RBPJ: variants seen among roughly 807,000 people sequenced by gnomAD.
The protein encoded by RBPJ is recombination signal binding protein for immunoglobulin kappa J region.
A neutral mutation model predicts 67.8 loss-of-function variants in RBPJ; 9 were observed. The observed-to-expected ratio is 0.13, with a 90% CI of 0.08 to 0.23. The LOEUF (loss-of-function observed/expected upper bound fraction) is 0.23. Among genes scored for constraint, RBPJ ranks in the 10% least tolerant of loss-of-function variants. RBPJ has a pLI of 1.00. For synonymous variants in RBPJ, 198 were observed against 203.3 expected (o/e 0.97, Z 0.22); for missense variants, 305 against 595.6 (o/e 0.51, Z 5.08).
At chr4:26,400,852 G>A (rs983369729) in intron 2 of RBPJ, among the ~76,000 whole-genome samples, 1 of 152,214 alleles carries the variant, frequency 6.6e-6, no homozygotes, top group Non-Finnish European at 1.5e-5. Context: ...TCCAGTAGTA[G>A]AAGCCAGTAG....
rs866669589 is a variant in RBPJ at position 26,244,279 on chromosome 4, G to A, written c.-167+80665G>A. On this transcript the variant is annotated intron_variant, in intron 1 of 4. Transcript: ENST00000512351. ...TACACATATGTGTACACATATATGTGTGTATATGTATACACATATGTGTAC... is the reference window on the plus strand; with the variant it reads ...TACACATATGTGTACACATATATGTATGTATATGTATACACATATGTGTAC... 7.3e-4 allele frequency among the ~76,000 whole-genome samples: 76 copies of A among 103,696 alleles called. 3 individuals carry two copies. Among genetic ancestry groups the A allele is most frequent in the African/African-American group, 3.3e-3 (75 of 22,692 alleles). 68.0% of individuals were successfully genotyped at this position (103,696 alleles called of 152,430 possible).
Position 26,415,548 on chromosome 4 carries a change from G to A in RBPJ, c.229G>A (p.Asp77Asn), listed in dbSNP as rs147349346. 4.8e-5 allele frequency: 78 copies of A among 1,612,988 alleles called. No homozygotes were observed. The highest frequency in any genetic ancestry group is 6.4e-5 in the Non-Finnish European group (76 of 1,179,404). Residue 77 changes from aspartate (D) to asparagine (N), a missense_variant, in exon 4 of 11, where the codon GAT (aspartate) becomes AAT (asparagine). This residue lies in a region of RBPJ where 79 missense variants were observed against 106.2 expected (regional missense o/e 0.74). Transcript: ENST00000355476. ...GAAAAAAAAAGAACAAATGGAACGC[G>A]ATGGTTGTTCTGAACAAGAGTCTCA... ...WKKKKEQMER[D>N]GCSEQESQPC...
chr4:26,327,542 G>C (rs1006316372), intron 1 of RBPJ, among the ~76,000 whole-genome samples: 2 of 104,902 alleles, frequency 1.9e-5, no homozygotes, highest in East Asian at 6.5e-4. Flanking sequence ...GACCCTGGAG[G>C]TTTTTTTTTT....
the RBPJ span, among the ~76,000 whole-genome samples, chr4:26,107,827 A>G: frequency 0.93 from 141,673 of 152,266 alleles, 65,923 homozygotes; most frequent in Admixed American, 0.97. Flanking sequence ...GAACCTATGA[A>G]GCGGAGGTTG....
chr4:26,286,497 GACAA>G (rs1169561106), intron 1 of RBPJ, among the ~76,000 whole-genome samples: 50 of 132,996 alleles, frequency 3.8e-4, no homozygotes, highest in Admixed American at 1.5e-4. Flanking sequence ...AAAAAAAAGA[GACAA>G]ACAAAATAAT....
intron 1 of RBPJ, among the ~76,000 whole-genome samples, chr4:26,346,096 A>G (rs1726108429): frequency 6.6e-6 from 1 of 152,176 alleles, no homozygotes; most frequent in South Asian, 2.1e-4. Context: ...ATAGTCAAGT[A>G]TTAGTGAAGT....
chr4:26,364,620 ATTTTC>A (rs1728428311), intron 1 of RBPJ, among the ~76,000 whole-genome samples: 3 of 92,460 alleles, frequency 3.2e-5, no homozygotes, highest in Non-Finnish European at 4.6e-5. Flanking sequence ...TTTCTTTTTC[ATTTTC>A]TTTTTTTTTT....
At chr4:26,206,782 T>C (rs1718185299) in intron 1 of RBPJ, among the ~76,000 whole-genome samples, 1 of 151,898 alleles carries the variant, frequency 6.6e-6, no homozygotes, top group African/African-American at 2.4e-5. Flanking sequence ...CCTGGCCAGT[T>C]TTCCTCCTTC....
chr4:26,159,172 T>C (rs527811269), upstream of RBPJ, among the ~76,000 whole-genome samples: 8 of 152,292 alleles, frequency 5.3e-5, no homozygotes, highest in South Asian at 8.3e-4. Context: ...TAGGAGATAC[T>C]CATATGCTAG....
the RBPJ span, among the ~76,000 whole-genome samples, chr4:26,151,668 G>A: frequency 5.3e-5 from 8 of 152,202 alleles, no homozygotes; most frequent in Non-Finnish European, 1.0e-4. Context: ...ACCACCGGCC[G>A]ATGACAGCCT....
At chr4:26,151,018 A>G in the RBPJ span, among the ~76,000 whole-genome samples, 12 of 152,330 alleles carry the variant, frequency 7.9e-5, no homozygotes, top group South Asian at 2.1e-3. Context: ...ACAACGCCAA[A>G]GATTTCCTGT....
intron 1 of RBPJ, among the ~76,000 whole-genome samples, chr4:26,353,609 CTTTTTT>C (rs5856939): frequency 7.8e-6 from 1 of 127,714 alleles, no homozygotes; most frequent in Non-Finnish European, 1.7e-5. Flanking sequence ...TCACAGTATT[CTTTTTT>C]TTTTTTTTTT....
intron 1 of RBPJ, among the ~76,000 whole-genome samples, chr4:26,350,276 A>G (rs1726661917): frequency 6.6e-6 from 1 of 152,218 alleles, no homozygotes; most frequent in African/African-American, 2.4e-5. Flanking sequence ...TTTTTCTAAT[A>G]CTAGTTTCCC....
At chr4:26,313,205 G>A (rs926358617) in intron 1 of RBPJ, among the ~76,000 whole-genome samples, 7 of 152,152 alleles carry the variant, frequency 4.6e-5, no homozygotes, top group African/African-American at 9.7e-5. Flanking sequence ...TTACAAGCAT[G>A]AGCCACCAAG....
At chr4:26,389,069 GA>G (rs1162124172) in intron 2 of RBPJ, among the ~76,000 whole-genome samples, 1 of 150,666 alleles carries the variant, frequency 6.6e-6, no homozygotes, top group Middle Eastern at 3.2e-3. Flanking sequence ...CAGAAAGTTA[GA>G]AAAAAAAAGT....
chr4:26,245,949 C>A (rs1452802559), intron 1 of RBPJ, among the ~76,000 whole-genome samples: 1 of 152,194 alleles, frequency 6.6e-6, no homozygotes, highest in African/African-American at 2.4e-5. Context: ...CTATGCCACA[C>A]AATTTTGATT....
chr4:26,192,626 A>G (rs573870783), intron 1 of RBPJ, among the ~76,000 whole-genome samples: 35 of 152,298 alleles, frequency 2.3e-4, no homozygotes, highest in Non-Finnish European at 4.6e-4. Context: ...TTAACATCCC[A>G]CTGCTGGATG....
At chr4:26,355,034 T>A (rs901800646) in intron 1 of RBPJ, among the ~76,000 whole-genome samples, 1 of 152,198 alleles carries the variant, frequency 6.6e-6, no homozygotes, top group Non-Finnish European at 1.5e-5. Context: ...TTTTCTTATT[T>A]GATTTAATAT....
At chr4:26,167,123 G>GTAGTATAGTTT (rs1361588006) in intron 1 of RBPJ, among the ~76,000 whole-genome samples, 17 of 151,972 alleles carry the variant, frequency 1.1e-4, no homozygotes, top group African/African-American at 4.1e-4. Context: ...CTGTAGCCTT[G>GTAGTATAGTTT]TAGTATAGTT....
Sources: gnomAD v4.1 joint callset for allele counts (sites outside exome capture counted in the v4.1 genomes callset) on GRCh38, gnomAD v4.1.1 for gene constraint, gnomAD v4.1.1 regional missense constraint, MANE v1.5 for transcripts, NCBI Gene and HGNC (gene_info 2026-07-23, HGNC 2026-07-21) for gene names.